SVIL: variants seen among roughly 807,000 people sequenced by gnomAD.
SVIL encodes archvillin.
Under a neutral mutation model 240.4 loss-of-function variants are expected in SVIL, and 101 were observed. The ratio of observed to expected loss-of-function variants is 0.42; its 90% CI spans 0.36 to 0.50. The LOEUF (loss-of-function observed/expected upper bound fraction) is 0.50. Ranked by LOEUF, SVIL falls within the 20% of genes least tolerant of loss-of-function variation. The pLI is 0.01. For missense variants in SVIL, 2,512 were observed against 2,818.7 expected, an observed-to-expected ratio of 0.89 and a Z score of 2.46; for synonymous variants, 999 against 1,100.0, an observed-to-expected ratio of 0.91 and a Z score of 1.82.
chr10:29,726,603 C>T (rs1023062928), intron 1 of SVIL, among the ~76,000 whole-genome samples: 1 of 152,054 alleles, frequency 6.6e-6, no homozygotes, highest in Non-Finnish European at 1.5e-5. Context: ...AAAAATTAGC[C>T]AGCTGTGGTG....
At chr10:29,567,641 A>G (rs556596162) in intron 2 of SVIL, among the ~76,000 whole-genome samples, 18 of 152,302 alleles carry the variant, frequency 1.2e-4, no homozygotes, top group Middle Eastern at 3.4e-3. Flanking sequence ...ATCCTTGAAT[A>G]AGGAATGCCT....
intron 1 of SVIL, among the ~76,000 whole-genome samples, chr10:29,713,759 C>G (rs1333925361): frequency 6.6e-6 from 1 of 152,186 alleles, no homozygotes; most frequent in Non-Finnish European, 1.5e-5. Context: ...CAGCATTTCC[C>G]AAACTATGTA....
At chr10:29,695,016 G>A (rs72804840) in intron 1 of SVIL, among the ~76,000 whole-genome samples, 174 of 152,228 alleles carry the variant, frequency 1.1e-3, no homozygotes, top group Non-Finnish European at 2.1e-3. Flanking sequence ...ACTTCTGAGG[G>A]CAGAAATTCG....
At chr10:29,700,466 TCC>T (rs1962422528) in intron 1 of SVIL, among the ~76,000 whole-genome samples, 3 of 135,462 alleles carry the variant, frequency 2.2e-5, no homozygotes, top group East Asian at 4.5e-4. Flanking sequence ...TCTTACTATT[TCC>T]TTTTTTTTTT....
intron 1 of SVIL, among the ~76,000 whole-genome samples, chr10:29,732,690 G>C (rs1964688177): frequency 6.6e-6 from 1 of 152,156 alleles, no homozygotes; most frequent in Admixed American, 6.5e-5. Context: ...CCTTTAAACA[G>C]ACTATCAGAA....
rs771615215 is a variant in SVIL, at chr10:29,526,942, A to T, written c.2342+19T>A. The T allele has an allele frequency of 2.6e-6, 4 of 1,551,184 alleles. No individual in the cohort carries two copies. Reference sequence around the variant, plus strand: ...CACCTTTGCACCGGGTGCCGCATGCATCTGTATCTGTCCAGTACCTGGCAG... The same window carrying T: ...CACCTTTGCACCGGGTGCCGCATGCTTCTGTATCTGTCCAGTACCTGGCAG... On this transcript the variant is annotated intron_variant, in intron 13 of 37. Coordinates refer to ENST00000355867, the MANE Select transcript of SVIL (RefSeq NM_021738.3).
intron 16 of SVIL, among the ~76,000 whole-genome samples, chr10:29,519,447 T>A (rs1341745405): frequency 6.6e-6 from 1 of 152,198 alleles, no homozygotes; most frequent in African/African-American, 2.4e-5. Flanking sequence ...ATATATTTCT[T>A]TCTCAAGAAG....
intron 1 of SVIL, among the ~76,000 whole-genome samples, chr10:29,728,610 G>T (rs1375818155): frequency 6.6e-6 from 1 of 152,098 alleles, no homozygotes; most frequent in Admixed American, 6.6e-5. Context: ...GTCAAAAAGG[G>T]GGAGGAAGGA....
chr10:29,523,780 C>G lies in SVIL; in HGVS notation c.2834G>C (p.Arg945Thr), dbSNP rs1233046170. The G allele has an allele frequency of 6.2e-7, 1 of 1,614,134 alleles. No individual in the cohort carries two copies. The highest frequency in any genetic ancestry group is 1.3e-5 in the African/African-American group (1 of 74,934). Reference protein sequence around the residue: ...VEGSENKGMLREYGETESKRA... With the variant: ...VEGSENKGMLTEYGETESKRA... ...CTTGCTTTCTGTCTCTCCATATTCTCTCAACATTCCCTTGTTCTCGCTACC... is the reference window on the plus strand; with the variant it reads ...CTTGCTTTCTGTCTCTCCATATTCTGTCAACATTCCCTTGTTCTCGCTACC... The change falls in exon 15 of 38, where the codon AGA becomes ACA. Residue 945 changes from arginine to threonine, a missense_variant. Arg to Thr is a moderately conservative substitution (Grantham distance 71). Transcript: ENST00000355867.
At chr10:29,708,960 A>G (rs1963096039) in intron 1 of SVIL, among the ~76,000 whole-genome samples, 1 of 152,222 alleles carries the variant, frequency 6.6e-6, no homozygotes, top group African/African-American at 2.4e-5. Context: ...AGAACAGTAC[A>G]AAGATAATGT....
rs576568830 is a variant in SVIL, at chr10:29,623,088, T to C, written c.-201+11332A>G. On this transcript the variant is annotated intron_variant, in intron 1 of 37. Transcript: ENST00000355867. ...GAAATAAGGAATCCCCAGGAAATTT[T>C]CCCCTAATACAATAAGCTTCCATTT... is the stretch of plus-strand genomic sequence containing the variant. Among the ~76,000 whole-genome samples, 37 of 152,296 alleles carry C rather than the reference T, an allele frequency of 2.4e-4. No individual in the cohort carries two copies. In the East Asian group the frequency reaches 6.6e-3, roughly 27 times the overall value.
intron 1 of SVIL, among the ~76,000 whole-genome samples, chr10:29,625,183 T>G (rs1274365429): frequency 6.6e-6 from 1 of 152,234 alleles, no homozygotes; most frequent in African/African-American, 2.4e-5. Context: ...AAACTCCTTC[T>G]AAAATCATCT....
chr10:29,716,818 A>C (rs1963638349), intron 1 of SVIL, among the ~76,000 whole-genome samples: 1 of 152,260 alleles, frequency 6.6e-6, no homozygotes, highest in South Asian at 2.1e-4. Flanking sequence ...GTTCTTTGCC[A>C]ATGATCTCTG....
intron 1 of SVIL, among the ~76,000 whole-genome samples, chr10:29,620,010 G>GT: frequency 6.6e-6 from 1 of 151,934 alleles, no homozygotes; most frequent in East Asian, 1.9e-4. Context: ...TTTCCACAAG[G>GT]TATCATGAAG....
At chr10:29,485,816 G>A (rs780285096) in intron 26 of SVIL, among the ~76,000 whole-genome samples, 1 of 152,134 alleles carries the variant, frequency 6.6e-6, no homozygotes, top group Non-Finnish European at 1.5e-5. Flanking sequence ...AAAAGATAGG[G>A]CTAAGTAATA....
intron 32 of SVIL, among the ~76,000 whole-genome samples, chr10:29,469,608 C>A (rs1716637210): frequency 6.6e-6 from 1 of 152,226 alleles, no homozygotes; most frequent in Admixed American, 6.5e-5. Context: ...GGCCGGCCAC[C>A]ACAGCGTCCT....
intron 3 of SVIL, among the ~76,000 whole-genome samples, chr10:29,654,655 G>C (rs1185943644): frequency 2.0e-5 from 3 of 152,192 alleles, no homozygotes; most frequent in Admixed American, 2.0e-4. Context: ...TTGGCTCACA[G>C]GATAATGGGG....
chr10:29,733,586 T>C (rs528569130), intron 1 of SVIL, among the ~76,000 whole-genome samples: 10 of 152,340 alleles, frequency 6.6e-5, no homozygotes, highest in Non-Finnish European at 1.2e-4. Flanking sequence ...ACTACATGTG[T>C]GAGGCACGGC....
At position 29,568,771 on chromosome 10, in the gene SVIL, A is replaced by G. The variant is rs114630215; in HGVS notation, c.-143+484T>C. ...AGAAGACCAGGGAAGAATAACTCAC[A>G]TGGATGGGTGGATGGGTGGATGGAT... is the stretch of plus-strand genomic sequence containing the variant. On this transcript the variant is annotated intron_variant, in intron 2 of 37. Coordinates refer to ENST00000355867, the MANE Select transcript of SVIL (RefSeq NM_021738.3). Among the ~76,000 whole-genome samples the G allele has an allele frequency of 7.4e-3, 1,089 of 147,454 alleles. 17 individuals are homozygous for G. The highest frequency in any genetic ancestry group is 0.027 in the African/African-American group (1,030 of 38,738).
Sources: gnomAD v4.1 joint callset for allele counts (sites outside exome capture counted in the v4.1 genomes callset) on GRCh38, gnomAD v4.1.1 for gene constraint, MANE v1.5 for transcripts, NCBI Gene and HGNC (gene_info 2026-07-23, HGNC 2026-07-21) for gene names.